Variants in GRAMD2B observed in about 807,000 individuals in gnomAD.
GRAMD2B encodes the protein GRAM domain containing 2B, also known as GRAM domain-containing protein 2B.
A neutral mutation model predicts 59.2 loss-of-function variants in GRAMD2B; 41 were observed. The ratio of observed to expected loss-of-function variants is 0.69; its 90% CI spans 0.54 to 0.90. GRAMD2B has a LOEUF of 0.90. Among genes scored for constraint, GRAMD2B ranks in the 40% least tolerant of loss-of-function variants. The probability of loss-of-function intolerance (pLI) is 0.00; values close to 1 mark genes in which losing one functional copy is unlikely to be tolerated. For synonymous variants in GRAMD2B, 161 were observed against 182.7 expected (o/e 0.88, Z 0.96); for missense variants, 424 against 500.5 (o/e 0.85, Z 1.46).
chr5:126,460,612 G>A (rs1176206727), intron 1 of GRAMD2B, among the ~76,000 whole-genome samples: 1 of 152,078 alleles, frequency 6.6e-6, no homozygotes, highest in Non-Finnish European at 1.5e-5. Flanking sequence ...TTGTACTATG[G>A]CTGCTGTCCA....
chr5:126,401,553 G>A (rs1293743522), intron 1 of GRAMD2B, among the ~76,000 whole-genome samples: 1 of 151,620 alleles, frequency 6.6e-6, no homozygotes, highest in East Asian at 1.9e-4. Flanking sequence ...CTTCACATTT[G>A]AAGAATCAGT....
intron 1 of GRAMD2B, among the ~76,000 whole-genome samples, chr5:126,447,774 A>G (rs1422694700): frequency 1.3e-5 from 2 of 152,066 alleles, no homozygotes; most frequent in African/African-American, 2.4e-5. Context: ...TTGTGGGGAT[A>G]CAGAGATGTG....
chr5:126,377,190 T>C (rs1205480601), intron 1 of GRAMD2B, among the ~76,000 whole-genome samples: 1 of 149,562 alleles, frequency 6.7e-6, no homozygotes, highest in Non-Finnish European at 1.5e-5. Context: ...TCCTATGCCC[T>C]TTCAAGATGC....
chr5:126,364,823 C>T (rs1398921124), intron 1 of GRAMD2B, among the ~76,000 whole-genome samples: 2 of 152,174 alleles, frequency 1.3e-5, no homozygotes, highest in African/African-American at 4.8e-5. Flanking sequence ...TATGTTCATT[C>T]CCAAACAAAT....
At chr5:126,368,768 G>T (rs1273892221), upstream of GRAMD2B, among the ~76,000 whole-genome samples, 1 of 152,096 alleles carries the variant, frequency 6.6e-6, no homozygotes, top group Non-Finnish European at 1.5e-5. Context: ...TTATAATAAG[G>T]ATTAACTCAA....
rs1358586622 is a variant in GRAMD2B at position 126,491,740 on chromosome 5, G to GT, written c.1258-1167dup. On this transcript the variant is annotated intron_variant, in intron 13 of 13. Transcript: ENST00000285689. Reference sequence around the variant, plus strand: ...TGAATTCTTTTTTTTTTCCTTCTTTGTTTTTTTTCCCAAGACAGAGTCTTG... The same window carrying GT: ...TGAATTCTTTTTTTTTTCCTTCTTTGTTTTTTTTTCCCAAGACAGAGTCTTG... Among the ~76,000 whole-genome samples the GT allele has an allele frequency of 4.0e-5, 6 of 149,582 alleles. No individual in the cohort carries two copies. The South Asian group carries it at 6.4e-4, about 16-fold the overall frequency.
Position 126,396,327 on chromosome 5 carries a change from C to T in GRAMD2B, c.125+24760C>T, listed in dbSNP as rs115557525. ...ATTTTTCCTGATCCTCTCCCTACTC[C>T]CACCTTCCATCTACCAATAAGCCCC... is the stretch of plus-strand genomic sequence containing the variant. On this transcript the variant is annotated intron_variant, in intron 1 of 8. Transcript: ENST00000506445. Among the ~76,000 whole-genome samples, 491 of 152,226 alleles carry T rather than the reference C, an allele frequency of 3.2e-3. 2 individuals carry two copies. Among genetic ancestry groups the T allele is most frequent in the African/African-American group, 0.011 (464 of 41,524 alleles).
At chr5:126,457,451 T>C (rs1428554308) in intron 1 of GRAMD2B, among the ~76,000 whole-genome samples, 1 of 151,846 alleles carries the variant, frequency 6.6e-6, no homozygotes, top group Non-Finnish European at 1.5e-5. Flanking sequence ...CTGGCCAACA[T>C]AGTGAAACCC....
At chr5:126,369,270 T>A (rs1580672316), upstream of GRAMD2B, among the ~76,000 whole-genome samples, 3 of 151,508 alleles carry the variant, frequency 2.0e-5, no homozygotes, top group African/African-American at 7.3e-5. Flanking sequence ...TAAATACTTG[T>A]TGAATGAATG....
At chr5:126,416,351 GA>G (rs540534401) in intron 1 of GRAMD2B, among the ~76,000 whole-genome samples, 10 of 150,018 alleles carry the variant, frequency 6.7e-5, no homozygotes, top group East Asian at 3.9e-4. Context: ...CCTGCAAAGT[GA>G]AAAAAAAAGA....
intron 1 of GRAMD2B, among the ~76,000 whole-genome samples, chr5:126,401,623 A>G (rs1757849280): frequency 6.6e-6 from 1 of 152,052 alleles, no homozygotes; most frequent in African/African-American, 2.4e-5. Context: ...CAGTCATCCA[A>G]GCTAGAAATT....
chr5:126,477,514 G>A (rs965159260), intron 5 of GRAMD2B, among the ~76,000 whole-genome samples, 178 bp from the exon 6 acceptor site: 1 of 152,100 alleles, frequency 6.6e-6, no homozygotes, highest in Non-Finnish European at 1.5e-5. Context: ...CCACTTTGAG[G>A]AGCTCAGTGA....
At chr5:126,411,188 C>T (rs889369534) in intron 1 of GRAMD2B, among the ~76,000 whole-genome samples, 1 of 151,950 alleles carries the variant, frequency 6.6e-6, no homozygotes, top group Non-Finnish European at 1.5e-5. Context: ...AGGCCAATGT[C>T]CAAAATGGTG....
chr5:126,433,053 T>C (rs1238957166), intron 1 of GRAMD2B, among the ~76,000 whole-genome samples: 1 of 152,194 alleles, frequency 6.6e-6, no homozygotes, highest in African/African-American at 2.4e-5. Context: ...CATAAAGCCT[T>C]TGCCATAAGG....
chr5:126,418,656 T>C (rs979920225), upstream of GRAMD2B, among the ~76,000 whole-genome samples: 6 of 152,240 alleles, frequency 3.9e-5, no homozygotes, highest in Admixed American at 1.3e-4. Context: ...TACTACAGAG[T>C]TCCATTCCAA....
intron 1 of GRAMD2B, among the ~76,000 whole-genome samples, chr5:126,404,374 T>TA (rs1758089616): frequency 2.6e-5 from 4 of 152,026 alleles, no homozygotes; most frequent in Admixed American, 2.6e-4. Context: ...GATTACTTGT[T>TA]ACCTTAGACC....
In GRAMD2B at chr5:126,492,392, T is replaced by C. The variant is rs78574886; in HGVS notation, c.1258-523T>C. Among the ~76,000 whole-genome samples the C allele has an allele frequency of 7.2e-3, 1,047 of 145,042 alleles. 13 individuals are homozygous for C. The highest frequency in any genetic ancestry group is 0.026 in the African/African-American group (1,006 of 39,170). On this transcript the variant is annotated intron_variant, in intron 13 of 13. Transcript: ENST00000285689. ...TTTTCATCTTTCTGCCATTCTCTCT[T>C]TTTTTTTTTTTAAGCCCTGTATTTC...
At position 126,492,769 on chromosome 5, in the gene GRAMD2B, A is replaced by G. The variant is rs57602925; in HGVS notation, c.1258-146A>G. 5.2e-3 allele frequency: 2,868 copies of G among 556,640 alleles called. 75 individuals are homozygous for G. The highest frequency in any genetic ancestry group is 0.049 in the African/African-American group (2,591 of 52,558). 34.5% of individuals were successfully genotyped at this position (556,640 alleles called of 1,614,324 possible). The stretch of plus-strand genomic sequence containing the variant: ...TCAGAGTTCTAGTCTATGAAAAAGC[A>G]TCTATTTGCCTCACCTAAATTTAAC... On this transcript the variant is annotated intron_variant, in intron 13 of 13. Transcript: ENST00000285689.
At chr5:126,460,216 C>T (rs139922992) in intron 1 of GRAMD2B, among the ~76,000 whole-genome samples, 3,291 of 152,310 alleles carry the variant, frequency 0.022, 52 homozygotes, top group South Asian at 0.041. Flanking sequence ...CGCACAGTCT[C>T]TCCCAGGAAG....
Sources: allele counts gnomAD v4.1 joint callset (sites outside exome capture counted in the v4.1 genomes callset), GRCh38; gene constraint gnomAD v4.1.1; transcripts MANE v1.5; gene names NCBI Gene and HGNC (gene_info 2026-07-23, HGNC 2026-07-21).